RBFOX1: variants seen among roughly 807,000 people sequenced by gnomAD.
The protein encoded by RBFOX1 is RNA binding protein fox-1 homolog 1.
Under a neutral mutation model 57.7 loss-of-function variants are expected in RBFOX1, and 8 were observed. The ratio of observed to expected loss-of-function variants is 0.14; its 90% confidence interval spans 0.08 to 0.25. The LOEUF (loss-of-function observed/expected upper bound fraction) is 0.25, where lower values mean the gene tolerates loss of function less well. Ranked by LOEUF, RBFOX1 falls within the 10% of genes least tolerant of loss-of-function variation. The pLI is 1.00. For missense variants in RBFOX1, 611 were observed against 548.5 expected, an observed-to-expected ratio of 1.11 and a Z score of -1.14; for synonymous variants, 326 against 222.4, an observed-to-expected ratio of 1.47 and a Z score of -4.15.
intron 3 of RBFOX1, among the ~76,000 whole-genome samples, chr16:6,941,093 C>T (rs975689756): frequency 6.6e-6 from 1 of 151,940 alleles, no homozygotes; most frequent in Non-Finnish European, 1.5e-5. Context: ...GGTAGTTAAA[C>T]AGGAAAGAGT....
chr16:6,706,606 C>G (rs113892396), intron 3 of RBFOX1, among the ~76,000 whole-genome samples: 6 of 152,070 alleles, frequency 3.9e-5, no homozygotes, highest in African/African-American at 1.2e-4. Flanking sequence ...TAGAGTTGTA[C>G]TTGTTTCCTG....
At position 5,855,125 on chromosome 16, in the gene RBFOX1, A is replaced by G. The variant is rs187520683; in HGVS notation, c.319-12178A>G. ...GAGTGCCTCATATATTTTGAATATT[A>G]TCCCCTTATTAGATATATAGTTTAG... On this transcript the variant is annotated intron_variant, in intron 3 of 19. Transcript: ENST00000641259. Among the ~76,000 whole-genome samples, 13 of 152,260 alleles carry G rather than the reference A, an allele frequency of 8.5e-5. No individual in the cohort carries two copies. The East Asian group carries it at 2.3e-3, about 27-fold the overall frequency.
At chr16:5,347,975 C>A (rs76676662) in intron 1 of RBFOX1, among the ~76,000 whole-genome samples, 1,990 of 145,882 alleles carry the variant, frequency 0.014, 59 homozygotes, top group African/African-American at 0.048. Flanking sequence ...CCCCACCAAC[C>A]CATCGATCCA....
At chr16:7,562,055 C>T (rs1055056021) in intron 5 of RBFOX1, among the ~76,000 whole-genome samples, 7 of 152,002 alleles carry the variant, frequency 4.6e-5, no homozygotes, top group Admixed American at 2.6e-4. Context: ...AGGTTGGAGG[C>T]GTCAGCCAGA....
At chr16:7,699,015 G>C (rs916586165) in intron 14 of RBFOX1, among the ~76,000 whole-genome samples, 1 of 152,170 alleles carries the variant, frequency 6.6e-6, no homozygotes, top group African/African-American at 2.4e-5. Flanking sequence ...ATGCACCAAA[G>C]TCACCTGGAG....
At chr16:6,931,435 T>C (rs1411484858) in intron 3 of RBFOX1, among the ~76,000 whole-genome samples, 6 of 152,032 alleles carry the variant, frequency 3.9e-5, no homozygotes, top group African/African-American at 7.2e-5. Flanking sequence ...ATAATAAACG[T>C]CTGCTGCCTT....
At chr16:5,549,378 C>T (rs1316647294) in intron 2 of RBFOX1, among the ~76,000 whole-genome samples, 2 of 152,168 alleles carry the variant, frequency 1.3e-5, no homozygotes, top group Non-Finnish European at 2.9e-5. Flanking sequence ...GTGGGACCCT[C>T]AGTAGCCATA....
At chr16:7,271,158 A>G (rs17143201) in intron 4 of RBFOX1, among the ~76,000 whole-genome samples, 3 of 152,152 alleles carry the variant, frequency 2.0e-5, no homozygotes, top group Non-Finnish European at 2.9e-5. Context: ...ATTCACGTCC[A>G]TATTCTTAGT....
chr16:6,081,191 C>T (rs2095995976), intron 1 of RBFOX1, among the ~76,000 whole-genome samples: 1 of 152,098 alleles, frequency 6.6e-6, no homozygotes, highest in South Asian at 2.1e-4. Context: ...GTTCCCGGGA[C>T]ACATTTAAAT....
intron 5 of RBFOX1, among the ~76,000 whole-genome samples, chr16:7,524,924 C>A (rs1021139350): frequency 6.6e-6 from 1 of 152,152 alleles, no homozygotes; most frequent in Non-Finnish European, 1.5e-5. Flanking sequence ...TTATTATCAT[C>A]ATCAAAGCAA....
At chr16:6,773,384 G>C (rs575504390) in intron 3 of RBFOX1, among the ~76,000 whole-genome samples, 14 of 149,308 alleles carry the variant, frequency 9.4e-5, no homozygotes, top group Admixed American at 2.7e-4. Context: ...GTGTGTGGGC[G>C]TGGGGTATAT....
chr16:7,428,354 T>C (rs936564552), intron 4 of RBFOX1, among the ~76,000 whole-genome samples: 2 of 137,456 alleles, frequency 1.5e-5, no homozygotes, highest in Non-Finnish European at 3.1e-5. Flanking sequence ...TGAGACGGAG[T>C]TTTGCTCTGT....
intron 4 of RBFOX1, among the ~76,000 whole-genome samples, chr16:5,934,341 A>G (rs539043786): frequency 3.9e-5 from 6 of 152,180 alleles, no homozygotes; most frequent in African/African-American, 1.4e-4. Context: ...TATTATATCT[A>G]TTGTGCTTAT....
intron 4 of RBFOX1, among the ~76,000 whole-genome samples, chr16:5,900,632 C>G (rs917383989): frequency 2.0e-5 from 3 of 152,200 alleles, no homozygotes; most frequent in Admixed American, 6.5e-5. Context: ...TCTAGCCCAG[C>G]AATCTGTTTC....
intron 3 of RBFOX1, among the ~76,000 whole-genome samples, chr16:5,704,767 A>G (rs936843042): frequency 2.6e-5 from 4 of 152,124 alleles, no homozygotes; most frequent in Non-Finnish European, 4.4e-5. Context: ...CCGGGTTACT[A>G]TGTGTGCTCT....
intron 3 of RBFOX1, among the ~76,000 whole-genome samples, chr16:6,703,533 T>A (rs2110343): frequency 0.98 from 149,215 of 152,002 alleles, 73,297 homozygotes; most frequent in Middle Eastern, 1. Flanking sequence ...CAACATACTG[T>A]GACCCTGCCT....
chr16:6,022,195 C>T (rs2095094314), intron 1 of RBFOX1, among the ~76,000 whole-genome samples: 2 of 151,896 alleles, frequency 1.3e-5, no homozygotes, highest in African/African-American at 4.8e-5. Context: ...TCTTCTGACC[C>T]ACTGAAAGGA....
At chr16:6,503,186 T>A (rs573518960) in intron 2 of RBFOX1, among the ~76,000 whole-genome samples, 6 of 143,748 alleles carry the variant, frequency 4.2e-5, no homozygotes, top group African/African-American at 1.5e-4. Flanking sequence ...GTGATTTTTT[T>A]ATTATTTGTT....
At chr16:6,863,725 C>CTTTTTTTTTTTTT (rs71408412) in intron 3 of RBFOX1, among the ~76,000 whole-genome samples, 941 of 67,684 alleles carry the variant, frequency 0.014, 126 homozygotes, top group African/African-American at 0.028. Flanking sequence ...GATGCCTGCG[C>CTTTTTTTTTTTTT]TTTTTTTTTT....
Sources: allele counts gnomAD v4.1 joint callset (sites outside exome capture counted in the v4.1 genomes callset), GRCh38; gene constraint gnomAD v4.1.1; transcripts MANE v1.5; gene names NCBI Gene and HGNC (gene_info 2026-07-23, HGNC 2026-07-21).